Variants in PANK1 observed in about 807,000 individuals in gnomAD.
The protein encoded by PANK1 is pantothenate kinase 1.
PANK1 carries 18 observed loss-of-function variants against 40.1 expected under a neutral mutation model. That is an observed-to-expected ratio of 0.45 (90% CI 0.31 to 0.67). The LOEUF is 0.67. Ranked by LOEUF, PANK1 falls within the 30% of genes least tolerant of loss-of-function variation. PANK1 has a pLI of 0.06. For missense variants in PANK1, 457 were observed against 599.6 expected, an observed-to-expected ratio of 0.76 and a Z score of 2.48; for synonymous variants, 242 against 237.7, an observed-to-expected ratio of 1.02 and a Z score of -0.17.
chr10:89,639,953 A>G (rs1462807624), intron 1 of PANK1, among the ~76,000 whole-genome samples: 1 of 152,234 alleles, frequency 6.6e-6, no homozygotes, highest in Non-Finnish European at 1.5e-5. Flanking sequence ...ATCTTTTCCG[A>G]AAGTTTTACA....
chr10:89,592,141 TCC>T (rs1159787514), intron 5 of PANK1, among the ~76,000 whole-genome samples: 4 of 152,232 alleles, frequency 2.6e-5, no homozygotes, highest in Non-Finnish European at 5.9e-5. Flanking sequence ...AGTATCAGCC[TCC>T]CATTTAAACT....
intron 1 of PANK1, among the ~76,000 whole-genome samples, chr10:89,615,231 C>A (rs6586205): frequency 0.32 from 47,963 of 152,054 alleles, 7,696 homozygotes; most frequent in Non-Finnish European, 0.35. Context: ...TACGTAAACC[C>A]CAGAAAACAA....
chr10:89,586,812 T>C (rs1469206840), intron 6 of PANK1, among the ~76,000 whole-genome samples: 2 of 152,086 alleles, frequency 1.3e-5, no homozygotes, highest in Non-Finnish European at 2.9e-5. Context: ...GGCCCCCACT[T>C]TTTGGTTTAT....
intron 1 of PANK1, among the ~76,000 whole-genome samples, chr10:89,636,577 G>T (rs932492697): frequency 4.6e-5 from 7 of 151,896 alleles, no homozygotes; most frequent in South Asian, 2.1e-4. Context: ...TCAGCCTCCC[G>T]AGTAGCTGGG....
intron 1 of PANK1, among the ~76,000 whole-genome samples, chr10:89,641,164 T>A (rs1264509046): frequency 6.6e-6 from 1 of 152,220 alleles, no homozygotes; most frequent in Non-Finnish European, 1.5e-5. Context: ...GTAGAAGTAT[T>A]GATTATGTTA....
chr10:89,614,090 A>G (rs7076397), intron 1 of PANK1: 263,534 of 450,398 alleles, frequency 0.59, 78,651 homozygotes, highest in South Asian at 0.63. Context: ...AGTCTTTTTC[A>G]GTGGAGTTTT....
chr10:89,584,552 A>G, intron 6 of PANK1, 87 bp from the exon 7 acceptor site: 1 of 856,476 alleles, frequency 1.2e-6, no homozygotes, highest in Non-Finnish European at 1.9e-6. Flanking sequence ...ACTAATATCG[A>G]TAAAAGAGAA....
At chr10:89,610,986 TAA>T (rs11318817) in intron 2 of PANK1, among the ~76,000 whole-genome samples, 1 of 150,846 alleles carries the variant, frequency 6.6e-6, no homozygotes, top group Non-Finnish European at 1.5e-5. Flanking sequence ...AAGGGAATGC[TAA>T]AAAAAAAAGA....
intron 1 of PANK1, chr10:89,643,938 C>G (rs957420697): frequency 8.1e-7 from 1 of 1,232,660 alleles, no homozygotes; most frequent in Non-Finnish European, 1.1e-6. Flanking sequence ...TCAACCTCCC[C>G]CTTCGTTGAA....
At chr10:89,639,669 C>CA (rs1196029619) in intron 1 of PANK1, among the ~76,000 whole-genome samples, 2 of 152,198 alleles carry the variant, frequency 1.3e-5, no homozygotes, top group Non-Finnish European at 2.9e-5. Flanking sequence ...GAACCCTACC[C>CA]ACACTTGCTT....
At chr10:89,600,140 G>A (rs1291308610) in intron 2 of PANK1, among the ~76,000 whole-genome samples, 2 of 152,168 alleles carry the variant, frequency 1.3e-5, no homozygotes, top group Non-Finnish European at 2.9e-5. Context: ...AACTACAAAC[G>A]AATAAATTTC....
At chr10:89,611,449 T>C (rs117559735) in intron 2 of PANK1, among the ~76,000 whole-genome samples, 1 of 152,242 alleles carries the variant, frequency 6.6e-6, no homozygotes, top group East Asian at 1.9e-4. Context: ...ATTGAAATGA[T>C]GATGATAACT....
intron 1 of PANK1, among the ~76,000 whole-genome samples, chr10:89,624,219 C>T (rs146870467): frequency 4.6e-5 from 7 of 152,282 alleles, no homozygotes; most frequent in Middle Eastern, 3.4e-3. Flanking sequence ...CTCTGCTGCT[C>T]GGGGTTAACC....
At chr10:89,607,744 A>G (rs1845012508) in intron 2 of PANK1, among the ~76,000 whole-genome samples, 1 of 152,258 alleles carries the variant, frequency 6.6e-6, no homozygotes, top group Non-Finnish European at 1.5e-5. Context: ...TAGAATCTGT[A>G]CATAAAATAT....
chr10:89,586,616 C>T (rs1844204194), intron 6 of PANK1, among the ~76,000 whole-genome samples: 1 of 152,164 alleles, frequency 6.6e-6, no homozygotes. Flanking sequence ...AAATAAATAG[C>T]TCAGCTTAAA....
intron 5 of PANK1, 87 bp downstream of exon 5, chr10:89,593,110 A>G: frequency 7.8e-7 from 1 of 1,287,954 alleles, no homozygotes; most frequent in East Asian, 2.3e-5. Flanking sequence ...AAGGATATGT[A>G]GTTGTGTAAG....
chr10:89,617,067 T>C (rs1057110952), intron 1 of PANK1, among the ~76,000 whole-genome samples: 1 of 152,250 alleles, frequency 6.6e-6, no homozygotes, highest in Non-Finnish European at 1.5e-5. Context: ...CCCTCTGCTA[T>C]GGTGATGGGA....
chr10:89,592,751 T>C, intron 5 of PANK1: 1 of 535,224 alleles, frequency 1.9e-6, no homozygotes, highest in Admixed American at 1.9e-5. Context: ...AAGCTCTCTG[T>C]GCTTTGATAG....
At chr10:89,604,587 G>A (rs1589778603) in intron 2 of PANK1, among the ~76,000 whole-genome samples, 1 of 151,540 alleles carries the variant, frequency 6.6e-6, no homozygotes, top group South Asian at 2.1e-4. Context: ...CCAGCTACTT[G>A]GGAGGCTGGG....
Sources: allele counts gnomAD v4.1 joint callset (sites outside exome capture counted in the v4.1 genomes callset), GRCh38; gene constraint gnomAD v4.1.1; transcripts MANE v1.5; gene names NCBI Gene and HGNC (gene_info 2026-07-23, HGNC 2026-07-21).